NADK2: variants seen among roughly 807,000 people sequenced by gnomAD.
NADK2 encodes NAD kinase domain-containing protein 1, mitochondrial.
Under a neutral mutation model 62.1 loss-of-function variants are expected in NADK2, and 35 were observed. That is an observed-to-expected ratio of 0.56 (90% CI 0.43 to 0.75). NADK2 has a LOEUF of 0.75. Among genes scored for constraint, NADK2 ranks in the 30% least tolerant of loss-of-function variants. The pLI is 0.00. For synonymous variants in NADK2, 205 were observed against 207.9 expected (o/e 0.99, Z 0.12); for missense variants, 439 against 561.3 (o/e 0.78, Z 2.20).
At chr5:36,208,346 T>A (rs796930127) in intron 7 of NADK2, among the ~76,000 whole-genome samples, 1 of 152,128 alleles carries the variant, frequency 6.6e-6, no homozygotes, top group African/African-American at 2.4e-5. Context: ...AAACACACAT[T>A]AGGAGCCTAT....
rs749294701 is a variant in NADK2 at position 36,227,487 on chromosome 5, C to G, written c.379G>C (p.Asp127His). The G allele has an allele frequency of 2.6e-6, 4 of 1,522,086 alleles. No homozygotes were observed. The South Asian group carries it at 3.9e-5, about 15-fold the overall frequency. 94.3% of individuals were successfully genotyped at this position (1,522,086 alleles called of 1,614,324 possible). A position where few individuals can be genotyped will look rare whatever the true frequency, so the allele number is the denominator to read the frequency against. ...ATCCCATAGACTTACCGTAAACTAT[C>G]TATAATATGTTCTACATTTTTGGTG... ...IHTKNVEHII[D>H]SLRNEGIEVR... is the part of the protein sequence containing the mutation. The change falls in exon 2 of 12, where the codon GAT becomes CAT. Residue 127 changes from aspartate (D) to histidine (H), a missense_variant. Physicochemically the swap from Asp to His is moderately conservative, Grantham distance 81. Coordinates refer to ENST00000381937, the MANE Select transcript of NADK2 (RefSeq NM_001085411.3).
At chr5:36,228,075 G>T (rs1018573921) in intron 1 of NADK2, among the ~76,000 whole-genome samples, 4 of 151,998 alleles carry the variant, frequency 2.6e-5, no homozygotes, top group East Asian at 1.9e-4. Flanking sequence ...CTTCTCTCTT[G>T]TTCTCAGATT....
intron 4 of NADK2, chr5:36,221,118 T>G (rs144266360): frequency 6.6e-6 from 1 of 152,352 alleles, no homozygotes; most frequent in East Asian, 1.9e-4. Context: ...GAAGCTACCT[T>G]GGAGGCTGAC....
At chr5:36,235,531 T>C (rs566538103) in intron 1 of NADK2, among the ~76,000 whole-genome samples, 2 of 152,294 alleles carry the variant, frequency 1.3e-5, no homozygotes, top group South Asian at 2.1e-4. Flanking sequence ...TTGCTCAAGA[T>C]TACAAAGACA....
intron 8 of NADK2, among the ~76,000 whole-genome samples, 169 bp from the exon 9 acceptor site, chr5:36,201,330 AAGTATTTTCATACATTGATGGGAACAG>A (rs1340802650): frequency 6.6e-6 from 1 of 152,114 alleles, no homozygotes; most frequent in Non-Finnish European, 1.5e-5. Context: ...ATGATGAGAC[AAGTATTTTCATACATTGATGGGAACAG>A]AGATATTGCA....
chr5:36,211,752 C>G (rs762593319), intron 7 of NADK2, 92 bp downstream of exon 7: 1 of 1,089,944 alleles, frequency 9.2e-7, no homozygotes, highest in Non-Finnish European at 1.4e-6. Flanking sequence ...AAATATTATT[C>G]ACAAATCTTA....
At chr5:36,204,764 A>C (rs1009104423) in intron 8 of NADK2, among the ~76,000 whole-genome samples, 3 of 152,046 alleles carry the variant, frequency 2.0e-5, no homozygotes, top group African/African-American at 7.2e-5. Flanking sequence ...TTTATTGAAT[A>C]CTTATGAATT....
chr5:36,217,684 T>C (rs1011341918), intron 6 of NADK2, 64 bp downstream of exon 6: 2 of 1,593,108 alleles, frequency 1.3e-6, no homozygotes, highest in African/African-American at 1.3e-5. Context: ...ATCAAAAAAT[T>C]TGAGGTCAAA....
Position 36,196,038 on chromosome 5 carries a change from T to A in NADK2, c.1191-756A>T, listed in dbSNP as rs574978065. ...TCTGTTATATGAAAACACCAAAATT[T>A]ATATCTCTCTTCTACTATTCATGGA... On this transcript the variant is annotated intron_variant, in intron 11 of 11. Coordinates refer to ENST00000381937, the MANE Select transcript of NADK2 (RefSeq NM_001085411.3). Among the ~76,000 whole-genome samples, 1,285 of 152,326 alleles carry A rather than the reference T, an allele frequency of 8.4e-3. 19 individuals are homozygous for A. Among genetic ancestry groups the A allele is most frequent in the African/African-American group, 0.03 (1,237 of 41,576 alleles).
intron 8 of NADK2, among the ~76,000 whole-genome samples, chr5:36,203,706 A>G (rs1037524436): frequency 6.6e-6 from 1 of 152,142 alleles, no homozygotes; most frequent in Non-Finnish European, 1.5e-5. Context: ...AAAGCATTGT[A>G]GTGGCTGTCA....
intron 1 of NADK2, among the ~76,000 whole-genome samples, chr5:36,237,004 G>A (rs1289411844): frequency 6.6e-6 from 1 of 152,056 alleles, no homozygotes; most frequent in Non-Finnish European, 1.5e-5. Flanking sequence ...CACCCACCAG[G>A]TTGGCAAAGA....
chr5:36,233,776 ACAGT>A (rs2112192565), intron 1 of NADK2, among the ~76,000 whole-genome samples: 1 of 152,322 alleles, frequency 6.6e-6, no homozygotes, highest in African/African-American at 2.4e-5. Flanking sequence ...ATTATGGATC[ACAGT>A]CAGTTTTGAG....
intron 8 of NADK2, among the ~76,000 whole-genome samples, chr5:36,202,701 G>C (rs1017731177): frequency 3.9e-5 from 6 of 152,068 alleles, no homozygotes; most frequent in African/African-American, 1.4e-4. Flanking sequence ...CTGGCTCAGA[G>C]CCTCCCATGG....
At chr5:36,222,956 C>G (rs1383506140) in intron 4 of NADK2, among the ~76,000 whole-genome samples, 5 of 152,038 alleles carry the variant, frequency 3.3e-5, no homozygotes, top group African/African-American at 1.2e-4. Flanking sequence ...CTGGATATAT[C>G]CAAAGTAGAG....
In NADK2 at chr5:36,194,584, T is replaced by C. The variant is rs937520273; in HGVS notation, c.*560A>G. 4 of 152,188 alleles carry C rather than the reference T, an allele frequency of 2.6e-5. No individual in the cohort carries two copies. Among genetic ancestry groups the C allele is most frequent in the South Asian group, 2.1e-4 (1 of 4,830 alleles). The allele number at this position is 152,188 out of a possible 1,614,324, so 9.4% of individuals were successfully genotyped here. The stretch of plus-strand genomic sequence containing the variant: ...TTATTATTTGAAATTTTTAAATCAA[T>C]AGTCATAACATCATCGTGTTCCGAA... On this transcript the variant is annotated 3_prime_UTR_variant, in exon 12 of 12. Coordinates refer to ENST00000381937, the MANE Select transcript of NADK2 (RefSeq NM_001085411.3).
chr5:36,195,291 A>T lies in NADK2; in HGVS notation c.1191-9T>A, dbSNP rs774161737. 3.8e-6 allele frequency: 6 copies of T among 1,599,614 alleles called. No individual in the cohort carries two copies. Among genetic ancestry groups the T allele is most frequent in the Non-Finnish European group, 5.1e-6 (6 of 1,175,130 alleles). On this transcript the variant is annotated splice_polypyrimidine_tract_variant and intron_variant, in intron 11 of 11. Transcript: ENST00000381937. ...GAGAACGAACACAAACCCTAGGCAG[A>T]AGGAAATATCTCATTAAATAGTAAT... is the stretch of plus-strand genomic sequence containing the variant.
chr5:36,201,696 C>G (rs1746454226), intron 8 of NADK2, among the ~76,000 whole-genome samples: 1 of 151,838 alleles, frequency 6.6e-6, no homozygotes, highest in Non-Finnish European at 1.5e-5. Context: ...TAGTATGACT[C>G]TAGAGATAAG....
chr5:36,206,405 G>A (rs1008101680), intron 8 of NADK2, among the ~76,000 whole-genome samples: 7 of 151,354 alleles, frequency 4.6e-5, no homozygotes, highest in African/African-American at 1.7e-4. Context: ...AAAAGGTGCA[G>A]GCTTGGACCA....
chr5:36,221,338 C>A (rs1042133137), intron 4 of NADK2: 2 of 152,338 alleles, frequency 1.3e-5, no homozygotes, highest in African/African-American at 4.8e-5. Flanking sequence ...CTGACATCTA[C>A]TTATCCTCAG....
Sources: gnomAD v4.1 joint callset for allele counts (sites outside exome capture counted in the v4.1 genomes callset) on GRCh38, gnomAD v4.1.1 for gene constraint, MANE v1.5 for transcripts, NCBI Gene and HGNC (gene_info 2026-07-23, HGNC 2026-07-21) for gene names.